ENOX1: variants seen among roughly 807,000 people sequenced by gnomAD.
ENOX1 encodes the protein candidate growth-related and time keeping constitutive hydroquinone (NADH) oxidase.
A neutral mutation model predicts 82.5 loss-of-function variants in ENOX1; 42 were observed. The observed-to-expected ratio is 0.51, with a 90% CI of 0.40 to 0.66. The LOEUF (loss-of-function observed/expected upper bound fraction) is 0.66. Among genes scored for constraint, ENOX1 ranks in the 30% least tolerant of loss-of-function variants. ENOX1 has a pLI of 0.00. For missense variants in ENOX1, 608 were observed against 811.6 expected, an observed-to-expected ratio of 0.75 and a Z score of 3.05; for synonymous variants, 271 against 282.2, an observed-to-expected ratio of 0.96 and a Z score of 0.40.
At chr13:43,525,612 G>A (rs1296168132) in intron 2 of ENOX1, among the ~76,000 whole-genome samples, 1 of 152,002 alleles carries the variant, frequency 6.6e-6, no homozygotes, top group African/African-American at 2.4e-5. Context: ...ATGCACAAGG[G>A]TTCCAATTTC....
At chr13:43,476,793 T>C (rs961454229) in intron 3 of ENOX1, among the ~76,000 whole-genome samples, 1 of 152,164 alleles carries the variant, frequency 6.6e-6, no homozygotes, top group African/African-American at 2.4e-5. Flanking sequence ...GAGAGGTTTT[T>C]GTAGCAGAAT....
chr13:43,223,557 ATTTTGCAGCCAC>A, intron 16 of ENOX1, among the ~76,000 whole-genome samples: 1 of 152,258 alleles, frequency 6.6e-6, no homozygotes, highest in East Asian at 1.9e-4. Context: ...GCTGAGAAGA[ATTTTGCAGCCAC>A]TTTTTTCTAC....
intron 2 of ENOX1, among the ~76,000 whole-genome samples, chr13:43,633,682 GTGTGTA>G (rs938732475): frequency 3.3e-4 from 14 of 42,008 alleles, no homozygotes; most frequent in East Asian, 4.2e-3. Context: ...ATTTTAAAAT[GTGTGTA>G]TGTGTGTGTG....
At chr13:43,418,595 A>T (rs576480572) in intron 3 of ENOX1, among the ~76,000 whole-genome samples, 1 of 152,346 alleles carries the variant, frequency 6.6e-6, no homozygotes, top group East Asian at 1.9e-4. Context: ...TTTTCTCTCT[A>T]GGTTTTTTCT....
chr13:43,261,082 T>A (rs1867514), intron 14 of ENOX1, among the ~76,000 whole-genome samples: 49,422 of 152,100 alleles, frequency 0.32, 8,302 homozygotes, highest in Middle Eastern at 0.36. Context: ...CATTCGCAGA[T>A]GATCTTGTGA....
chr13:43,305,672 C>A (rs1310701619), intron 11 of ENOX1, among the ~76,000 whole-genome samples: 2 of 152,232 alleles, frequency 1.3e-5, no homozygotes, highest in African/African-American at 4.8e-5. Flanking sequence ...GGAGACTTCA[C>A]ATCATGCCTC....
rs553504525 is a variant in ENOX1 at position 43,541,173 on chromosome 13, G to GTTTTT, written c.-218-57026_-218-57022dup. Among the ~76,000 whole-genome samples the GTTTTT allele has an allele frequency of 6.6e-3, 427 of 64,558 alleles. 56 individuals carry two copies. Among genetic ancestry groups the GTTTTT allele is most frequent in the African/African-American group, 0.018 (364 of 20,110 alleles). The allele number at this position is 64,558 out of a possible 152,430, so 42.4% of individuals were successfully genotyped here. On this transcript the variant is annotated intron_variant, in intron 2 of 16. Transcript: ENST00000690772. ...CTCCAACCTTACACTTCTTCCCTCTGTTTTTTTTTTTTTTTTTTTTTTTTT... is the reference window on the plus strand; with the variant it reads ...CTCCAACCTTACACTTCTTCCCTCTGTTTTTTTTTTTTTTTTTTTTTTTTTTTTTT...
intron 12 of ENOX1, among the ~76,000 whole-genome samples, chr13:43,292,640 T>A (rs1196528831): frequency 6.6e-6 from 1 of 151,656 alleles, no homozygotes. Context: ...AAAAACCCTA[T>A]AAAATATTAG....
intron 11 of ENOX1, among the ~76,000 whole-genome samples, chr13:43,309,345 T>C (rs1260214423): frequency 6.6e-6 from 1 of 152,082 alleles, no homozygotes; most frequent in Non-Finnish European, 1.5e-5. Context: ...TTTACTGTAC[T>C]CACTGACTCT....
intron 2 of ENOX1, among the ~76,000 whole-genome samples, chr13:43,587,364 T>C (rs2081045888): frequency 6.6e-6 from 1 of 152,240 alleles, no homozygotes; most frequent in South Asian, 2.1e-4. Flanking sequence ...GTTTAAAATA[T>C]GGAGCTCAAA....
At chr13:43,261,686 G>A (rs2044069641) in intron 14 of ENOX1, among the ~76,000 whole-genome samples, 1 of 150,848 alleles carries the variant, frequency 6.6e-6, no homozygotes, top group Non-Finnish European at 1.5e-5. Flanking sequence ...CATGTCCTTT[G>A]TAGGGACATG....
At chr13:43,415,602 T>G (rs1372115110) in intron 3 of ENOX1, among the ~76,000 whole-genome samples, 2 of 152,212 alleles carry the variant, frequency 1.3e-5, no homozygotes, top group Admixed American at 1.3e-4. Context: ...GGCAGAAGAA[T>G]TTTTCTTAGT....
chr13:43,620,262 C>A (rs973861771), intron 2 of ENOX1, among the ~76,000 whole-genome samples: 1 of 151,262 alleles, frequency 6.6e-6, no homozygotes, highest in Admixed American at 6.6e-5. Context: ...CTGCTCTGAT[C>A]TTGGTTATTT....
At chr13:43,371,411 T>C (rs963377043) in intron 5 of ENOX1, among the ~76,000 whole-genome samples, 7 of 152,212 alleles carry the variant, frequency 4.6e-5, no homozygotes, top group African/African-American at 1.7e-4. Context: ...TCTATAGAAC[T>C]TCCTCTTTAT....
At chr13:43,471,932 C>A (rs1012389887) in intron 3 of ENOX1, among the ~76,000 whole-genome samples, 13 of 151,176 alleles carry the variant, frequency 8.6e-5, no homozygotes, top group African/African-American at 2.9e-4. Context: ...CTGTAAACTT[C>A]TTTAAACTAT....
At chr13:43,248,833 C>A (rs2043287786) in intron 14 of ENOX1, among the ~76,000 whole-genome samples, 1 of 152,096 alleles carries the variant, frequency 6.6e-6, no homozygotes, top group African/African-American at 2.4e-5. Context: ...CCCCCTCCCA[C>A]ATACATATAA....
intron 2 of ENOX1, among the ~76,000 whole-genome samples, chr13:43,492,056 A>G (rs567796776): frequency 6.6e-6 from 1 of 152,316 alleles, no homozygotes; most frequent in Middle Eastern, 3.4e-3. Context: ...CAAAAGTGAT[A>G]AATGACATCT....
intron 14 of ENOX1, among the ~76,000 whole-genome samples, chr13:43,260,161 T>A (rs1048795537): frequency 2.6e-5 from 4 of 152,236 alleles, no homozygotes; most frequent in Non-Finnish European, 5.9e-5. Context: ...ACTTGAAGAA[T>A]GTTCTTTGCA....
intron 15 of ENOX1, among the ~76,000 whole-genome samples, chr13:43,232,715 G>C (rs2042345081): frequency 6.6e-6 from 1 of 152,118 alleles, no homozygotes; most frequent in African/African-American, 2.4e-5. Flanking sequence ...AGTTCTCAGG[G>C]GACCAGGGAG....
Sources: gnomAD v4.1 joint callset for allele counts (sites outside exome capture counted in the v4.1 genomes callset) on GRCh38, gnomAD v4.1.1 for gene constraint, MANE v1.5 for transcripts, NCBI Gene and HGNC (gene_info 2026-07-23, HGNC 2026-07-21) for gene names.